Variants in PRKN observed in about 807,000 individuals in gnomAD.
The protein encoded by PRKN is E3 ubiquitin-protein ligase parkin.
PRKN carries 56 observed loss-of-function variants against 59.5 expected under a neutral mutation model. The observed-to-expected ratio is 0.94, with a 90% confidence interval of 0.76 to 1.18. PRKN has a LOEUF of 1.18. Ranked by LOEUF, PRKN falls within the 50% of genes most tolerant of loss-of-function variation. PRKN has a pLI of 0.00. For missense variants in PRKN, 657 were observed against 596.4 expected, an observed-to-expected ratio of 1.10 and a Z score of -1.06; for synonymous variants, 250 against 222.1, an observed-to-expected ratio of 1.13 and a Z score of -1.12.
chr6:161,947,571 T>C (rs75987556), intron 6 of PRKN, among the ~76,000 whole-genome samples: 1 of 152,286 alleles, frequency 6.6e-6, no homozygotes, highest in African/African-American at 2.4e-5. Flanking sequence ...CACACCTGCC[T>C]GGCCCGAGTC....
In PRKN at chr6:161,493,280, A is replaced by G. The variant is rs1211123701; in HGVS notation, c.1083+55574T>C. On this transcript the variant is annotated intron_variant, in intron 9 of 11. Transcript: ENST00000366898. ...TTGTTTAAAGAAGTATTTTAAGCCC[A>G]TTATATTTAATAATTCACTTAACCA... Among the ~76,000 whole-genome samples, 4 of 152,232 alleles carry G rather than the reference A, an allele frequency of 2.6e-5. No homozygotes were observed. In the East Asian group the frequency reaches 7.7e-4, roughly 29 times the overall value.
chr6:162,075,841 C>T (rs1778800706), intron 4 of PRKN, among the ~76,000 whole-genome samples: 1 of 152,120 alleles, frequency 6.6e-6, no homozygotes, highest in Middle Eastern at 3.4e-3. Flanking sequence ...AATGATGCTA[C>T]CATGTATTTA....
intron 1 of PRKN, among the ~76,000 whole-genome samples, chr6:162,487,767 G>C (rs1375993104): frequency 6.6e-6 from 1 of 151,906 alleles, no homozygotes; most frequent in South Asian, 2.1e-4. Context: ...AAATAACCTA[G>C]CAAAACTGTT....
At chr6:162,284,665 G>T (rs974570802) in intron 2 of PRKN, among the ~76,000 whole-genome samples, 8 of 152,142 alleles carry the variant, frequency 5.3e-5, no homozygotes, top group African/African-American at 1.4e-4. Context: ...TTTTCAAAAT[G>T]AACAAGAATA....
intron 3 of PRKN, among the ~76,000 whole-genome samples, chr6:162,237,047 T>C (rs1778762341): frequency 6.6e-6 from 1 of 152,122 alleles, no homozygotes; most frequent in Non-Finnish European, 1.5e-5. Flanking sequence ...GAATAGCCCA[T>C]CCCTAAGCCC....
rs1255672999 is a variant in PRKN, at chr6:161,473,883, G to A, written c.1083+74971C>T. ...AATAAGAAAGGAGAGCAGGTGGAGT[G>A]GCATTTTTATATACAAGATCGCTAG... On this transcript the variant is annotated intron_variant, in intron 9 of 11. Coordinates refer to ENST00000366898, the MANE Select transcript of PRKN (RefSeq NM_004562.3). The surrounding 1 kb of genome is among the most constrained non-coding windows in gnomAD (Gnocchi z 4.1). Among the ~76,000 whole-genome samples, 1 of 152,016 alleles carries A rather than the reference G, an allele frequency of 6.6e-6. No individual in the cohort carries two copies. Among genetic ancestry groups the A allele is most frequent in the Non-Finnish European group, 1.5e-5 (1 of 67,994 alleles).
chr6:162,226,263 G>A (rs903873360), intron 3 of PRKN, among the ~76,000 whole-genome samples: 1 of 152,038 alleles, frequency 6.6e-6, no homozygotes, highest in Non-Finnish European at 1.5e-5. Context: ...CAGAGGCAGA[G>A]ACAGATACAG....
At chr6:161,702,829 T>C (rs997418511) in intron 7 of PRKN, among the ~76,000 whole-genome samples, 2 of 152,150 alleles carry the variant, frequency 1.3e-5, no homozygotes, top group Non-Finnish European at 2.9e-5. Context: ...CAAATAATTC[T>C]GAGGCCTGAT....
chr6:161,375,507 CA>C (rs528024190), intron 10 of PRKN, among the ~76,000 whole-genome samples: 172 of 152,314 alleles, frequency 1.1e-3, no homozygotes, highest in Middle Eastern at 6.8e-3. Context: ...CTTAAAAACC[CA>C]AACCCCCAAG....
intron 4 of PRKN, among the ~76,000 whole-genome samples, chr6:162,134,588 A>T (rs1253884900): frequency 6.6e-6 from 1 of 152,206 alleles, no homozygotes; most frequent in Non-Finnish European, 1.5e-5. Context: ...GGAATAAATG[A>T]AGGCAGAAGA....
chr6:162,052,940 A>G (rs991212917), intron 5 of PRKN, among the ~76,000 whole-genome samples: 8 of 152,144 alleles, frequency 5.3e-5, no homozygotes, highest in Admixed American at 2.0e-4. Flanking sequence ...GTATGCTATA[A>G]TATATACATA....
chr6:162,332,750 G>A (rs1274839540), intron 2 of PRKN, among the ~76,000 whole-genome samples: 1 of 152,044 alleles, frequency 6.6e-6, no homozygotes, highest in African/African-American at 2.4e-5. Context: ...CTGGCAGGCA[G>A]GGCCCAGACA....
intron 2 of PRKN, among the ~76,000 whole-genome samples, chr6:162,394,545 A>C (rs1399794100): frequency 6.6e-6 from 1 of 152,198 alleles, no homozygotes; most frequent in Non-Finnish European, 1.5e-5. Flanking sequence ...TATTTGGAAC[A>C]CTTCAAAAAA....
intron 1 of PRKN, among the ~76,000 whole-genome samples, chr6:162,666,836 A>C (rs932542355): frequency 6.8e-6 from 1 of 147,646 alleles, no homozygotes; most frequent in South Asian, 2.1e-4. Flanking sequence ...TTTAACAAGT[A>C]AGAGCTTATA....
intron 7 of PRKN, among the ~76,000 whole-genome samples, 184 bp downstream of exon 7, chr6:161,785,588 C>T (rs1790379805): frequency 1.3e-5 from 2 of 152,184 alleles, no homozygotes. Context: ...CAGTTCAACA[C>T]AATTCCTTCA....
At chr6:161,607,500 T>G (rs2128145361) in intron 7 of PRKN, among the ~76,000 whole-genome samples, 1 of 151,928 alleles carries the variant, frequency 6.6e-6, no homozygotes, top group Middle Eastern at 3.4e-3. Context: ...AAAGAAAAAA[T>G]ATTTGGAGAA....
intron 6 of PRKN, among the ~76,000 whole-genome samples, chr6:161,859,308 A>G (rs183125536): frequency 2.1e-3 from 313 of 152,182 alleles, no homozygotes; most frequent in Non-Finnish European, 3.8e-3. Context: ...TCGGTTTTCT[A>G]GAAATGAGAA....
intron 9 of PRKN, among the ~76,000 whole-genome samples, chr6:161,450,566 T>A (rs1226061267): frequency 6.6e-6 from 1 of 151,394 alleles, no homozygotes; most frequent in Non-Finnish European, 1.5e-5. Context: ...TTTTCTTCCT[T>A]TTTTTTTTGA....
intron 6 of PRKN, among the ~76,000 whole-genome samples, chr6:161,836,070 C>G (rs917672353): frequency 6.6e-5 from 10 of 152,106 alleles, no homozygotes; most frequent in Non-Finnish European, 2.9e-5. Context: ...CCCTAAATAG[C>G]TTCCTTTCTG....
Sources: gnomAD v4.1 joint callset for allele counts (sites outside exome capture counted in the v4.1 genomes callset) on GRCh38, gnomAD v4.1.1 for gene constraint, Gnocchi (gnomAD v3.1) non-coding constraint, MANE v1.5 for transcripts, NCBI Gene and HGNC (gene_info 2026-07-23, HGNC 2026-07-21) for gene names.